Variants in SULT6B1 observed in about 807,000 individuals in gnomAD.
SULT6B1 encodes the protein sulfotransferase family 6B member 1.
SULT6B1 carries 44 observed loss-of-function variants against 37.2 expected under a neutral mutation model. The ratio of observed to expected loss-of-function variants is 1.18; its 90% CI spans 0.93 to 1.52. SULT6B1 has a LOEUF of 1.52. SULT6B1 is among the 40% of genes most tolerant of loss of function. The pLI is 0.00. For missense variants in SULT6B1, 450 were observed against 361.0 expected, an observed-to-expected ratio of 1.25 and a Z score of -2.00; for synonymous variants, 140 against 126.0, an observed-to-expected ratio of 1.11 and a Z score of -0.74.
At chr2:37,180,487 G>A (rs10209193) in intron 3 of SULT6B1, among the ~76,000 whole-genome samples, 1 of 152,142 alleles carries the variant, frequency 6.6e-6, no homozygotes, top group Non-Finnish European at 1.5e-5. Context: ...CTAACACCTG[G>A]ATTTTTTCAA....
chr2:37,168,930 A>G (rs1676238455), intron 6 of SULT6B1, among the ~76,000 whole-genome samples: 1 of 152,236 alleles, frequency 6.6e-6, no homozygotes, highest in Non-Finnish European at 1.5e-5. Context: ...AAACGCTTAC[A>G]ATATATTAAG....
chr2:37,176,199 A>G (rs1249701896), intron 4 of SULT6B1, among the ~76,000 whole-genome samples: 4 of 152,132 alleles, frequency 2.6e-5, no homozygotes, highest in Non-Finnish European at 5.9e-5. Flanking sequence ...TATGAGGTTT[A>G]AATGAATTAA....
At chr2:37,179,430 A>G in intron 4 of SULT6B1, 28 bp downstream of exon 4, 2 of 1,611,874 alleles carry the variant, frequency 1.2e-6, no homozygotes, top group Non-Finnish European at 1.7e-6. Flanking sequence ...TGATCAAGTA[A>G]GAATAATTCT....
chr2:37,195,598 AG>A (rs1483428548), intron 1 of SULT6B1, among the ~76,000 whole-genome samples: 1 of 152,154 alleles, frequency 6.6e-6, no homozygotes, highest in Non-Finnish European at 1.5e-5. Flanking sequence ...ACTTTCCATC[AG>A]TTATTTGTGG....
chr2:37,195,120 T>C (rs1558456003), intron 1 of SULT6B1, among the ~76,000 whole-genome samples: 2 of 152,052 alleles, frequency 1.3e-5, no homozygotes, highest in African/African-American at 4.8e-5. Context: ...CAGCTAATTT[T>C]CATATTTTTA....
Position 37,188,455 on chromosome 2 carries a change from A to C in SULT6B1, c.186T>G (p.Ser62=). The C allele has an allele frequency of 6.2e-7, 1 of 1,613,070 alleles. No individual in the cohort carries two copies. The highest frequency in any genetic ancestry group is 8.5e-7 in the Non-Finnish European group (1 of 1,179,646). Residue 62 remains serine, a synonymous_variant, in exon 1 of 7, where the codon TCT becomes TCG. Coordinates refer to ENST00000535679, the MANE Select transcript of SULT6B1 (RefSeq NM_001367551.1). ...EARHDDIVLA[S]YPKCGSNWIL... ...CTTGTCATTTACCGCACTTTGGATA[A>C]GATGCTAGCACGATGTCATCATGTC...
chr2:37,187,294 C>A, intron 2 of SULT6B1, 61 bp downstream of exon 2: 2 of 1,181,318 alleles, frequency 1.7e-6, no homozygotes, highest in Non-Finnish European at 2.5e-6. Context: ...AAAGAATCTC[C>A]AAACCGGAAG....
rs1485601326 is a variant in SULT6B1, at chr2:37,179,439, C to A, written c.529+19G>T. 6.2e-7 allele frequency: 1 copy of A among 1,612,268 alleles called. No homozygotes were observed. The highest frequency in any genetic ancestry group is 8.5e-7 in the Non-Finnish European group (1 of 1,179,776). ...GTCATCTGATCAAGTAAGAATAATT[C>A]TTTTACCAACAGCCATACCTTGTCC... is the stretch of plus-strand genomic sequence containing the variant. On this transcript the variant is annotated intron_variant, in intron 4 of 6. Transcript: ENST00000535679.
chr2:37,195,175 C>G (rs1362720096), intron 1 of SULT6B1, among the ~76,000 whole-genome samples: 2 of 152,080 alleles, frequency 1.3e-5, no homozygotes, highest in Non-Finnish European at 2.9e-5. Context: ...GTCTTGAACT[C>G]CTGACCTCAG....
At chr2:37,193,597 AAAG>A (rs70949740), upstream of SULT6B1, among the ~76,000 whole-genome samples, 4,432 of 113,762 alleles carry the variant, frequency 0.039, 86 homozygotes, top group Middle Eastern at 0.081. Context: ...AGAAGAAGAA[AAAG>A]AAGAAGAAGA....
chr2:37,182,281 T>G (rs1676570362), intron 3 of SULT6B1, among the ~76,000 whole-genome samples: 1 of 148,498 alleles, frequency 6.7e-6, no homozygotes, highest in Non-Finnish European at 1.5e-5. Flanking sequence ...TGAGACAAGG[T>G]CTCGCTCTGC....
Position 37,185,717 on chromosome 2 carries a change from C to CAAAAAAAAAA in SULT6B1, c.312+1628_312+1637dup, listed in dbSNP as rs200087048. 4.8e-3 allele frequency among the ~76,000 whole-genome samples: 403 copies of CAAAAAAAAAA among 83,320 alleles called. 21 individuals are homozygous for CAAAAAAAAAA. The highest frequency in any genetic ancestry group is 6.9e-3 in the Non-Finnish European group (277 of 40,064). 54.7% of individuals were successfully genotyped at this position (83,320 alleles called of 152,430 possible). A position where few individuals can be genotyped will look rare whatever the true frequency, so the allele number is the denominator to read the frequency against. ...TGGGTGACAGAGTGAGACTCCATTT[C>CAAAAAAAAAA]AAAAAAAAAAAAAAAAAAAACAGAG... On this transcript the variant is annotated intron_variant, in intron 2 of 6. Transcript: ENST00000535679.
At chr2:37,173,132 C>T (rs921160126) in intron 5 of SULT6B1, among the ~76,000 whole-genome samples, 2 of 152,214 alleles carry the variant, frequency 1.3e-5, no homozygotes, top group South Asian at 2.1e-4. Context: ...GGATTACAGG[C>T]GTGAGCCACC....
intron 1 of SULT6B1, among the ~76,000 whole-genome samples, chr2:37,187,917 C>G (rs1676708325): frequency 6.6e-6 from 1 of 152,050 alleles, no homozygotes; most frequent in East Asian, 1.9e-4. Context: ...TAGAAAGAAT[C>G]AAAAGGAGAT....
At position 37,174,869 on chromosome 2, in the gene SULT6B1, C is replaced by A. The variant is rs549409505; in HGVS notation, c.624+263G>T. On this transcript the variant is annotated intron_variant, in intron 5 of 6. Transcript: ENST00000535679. ...CAGACCTACCTATTTTTTTTTATTA[C>A]CAATTTGAACTATCCATCATAAAGG... is the stretch of plus-strand genomic sequence containing the variant. 3.3e-5 allele frequency among the ~76,000 whole-genome samples: 5 copies of A among 152,064 alleles called. No homozygotes were observed. The South Asian group carries it at 1.0e-3, about 32-fold the overall frequency.
chr2:37,171,293 G>A, intron 6 of SULT6B1, 141 bp downstream of exon 6: 2 of 943,602 alleles, frequency 2.1e-6, no homozygotes, highest in Non-Finnish European at 3.1e-6. Flanking sequence ...TTACAGCTCT[G>A]GAGAGCCTGT....
intron 1 of SULT6B1, chr2:37,194,361 T>C (rs1242951004): frequency 8.7e-6 from 3 of 345,240 alleles, no homozygotes; most frequent in Middle Eastern, 1.1e-3. Context: ...GTTACAGGCA[T>C]GAGCCACCGT....
chr2:37,173,327 T>C (rs903390428), intron 5 of SULT6B1, among the ~76,000 whole-genome samples: 3 of 152,198 alleles, frequency 2.0e-5, no homozygotes, highest in Admixed American at 1.3e-4. Context: ...TTCCTCCTTT[T>C]TTCCCCAAAC....
At chr2:37,185,509 G>C (rs1428218401) in intron 2 of SULT6B1, among the ~76,000 whole-genome samples, 1 of 152,050 alleles carries the variant, frequency 6.6e-6, no homozygotes, top group African/African-American at 2.4e-5. Context: ...TTGAGGTCAG[G>C]AGTTTGAGAG....
Sources: gnomAD v4.1 joint callset for allele counts (sites outside exome capture counted in the v4.1 genomes callset) on GRCh38, gnomAD v4.1.1 for gene constraint, MANE v1.5 for transcripts, NCBI Gene and HGNC (gene_info 2026-07-23, HGNC 2026-07-21) for gene names.